VTI1A: variants seen among roughly 807,000 people sequenced by gnomAD.
VTI1A encodes the protein vesicle transport through interaction with t-SNAREs 1A.
A neutral mutation model predicts 34.9 loss-of-function variants in VTI1A; 22 were observed. The observed-to-expected ratio is 0.63, with a 90% CI of 0.45 to 0.90. VTI1A has a LOEUF of 0.90. Ranked by LOEUF, VTI1A falls within the 40% of genes least tolerant of loss-of-function variation. The pLI, the probability that VTI1A is intolerant of heterozygous loss-of-function variation, is 0.00. For synonymous variants in VTI1A, 87 were observed against 97.3 expected (o/e 0.89, Z 0.62); for missense variants, 268 against 275.6 (o/e 0.97, Z 0.20).
the VTI1A span, among the ~76,000 whole-genome samples, chr10:112,845,273 G>C: frequency 1.3e-5 from 2 of 152,182 alleles, no homozygotes; most frequent in African/African-American, 4.8e-5. Context: ...GGGGCAGGAC[G>C]GCCAGGCAGA....
In VTI1A at chr10:112,584,625, C is replaced by T. The variant is rs138004010; in HGVS notation, c.427+46295C>T. On this transcript the variant is annotated intron_variant, in intron 5 of 7. Transcript: ENST00000393077. ...TTTCTGACCCAATTCAAATTGTGAC[C>T]GACAACAAACTAAGCTTCTCAGATC... Among the ~76,000 whole-genome samples, 125 of 152,262 alleles carry T rather than the reference C, an allele frequency of 8.2e-4. No homozygotes were observed. The Middle Eastern group carries it at 0.014, about 17-fold the overall frequency.
chr10:112,788,191 A>G (rs1006575425), intron 7 of VTI1A, among the ~76,000 whole-genome samples: 1 of 152,066 alleles, frequency 6.6e-6, no homozygotes, highest in Admixed American at 6.5e-5. Flanking sequence ...TTAGTCTTCT[A>G]TAGCCTTACT....
chr10:112,474,876 C>T (rs1848226625), intron 3 of VTI1A, among the ~76,000 whole-genome samples: 1 of 152,150 alleles, frequency 6.6e-6, no homozygotes, highest in African/African-American at 2.4e-5. Context: ...CTGGCCTTGA[C>T]CTTGGTCAGT....
chr10:112,546,556 A>G (rs934089453), intron 5 of VTI1A, among the ~76,000 whole-genome samples: 1 of 152,206 alleles, frequency 6.6e-6, no homozygotes, highest in Admixed American at 6.5e-5. Flanking sequence ...GTGAGTAGGC[A>G]TTACTTGTCC....
intron 3 of VTI1A, among the ~76,000 whole-genome samples, chr10:112,503,517 G>T (rs906852319): frequency 6.6e-6 from 1 of 152,114 alleles, no homozygotes; most frequent in Admixed American, 6.5e-5. Flanking sequence ...TGCTCCTTTG[G>T]TAAGTTACTA....
chr10:112,750,251 C>T (rs1015332152), intron 7 of VTI1A, among the ~76,000 whole-genome samples: 6 of 151,990 alleles, frequency 3.9e-5, no homozygotes, highest in Non-Finnish European at 8.8e-5. Flanking sequence ...TGCGGTAGCA[C>T]GAGCATAGCC....
At chr10:112,668,557 T>C (rs1366144976) in intron 6 of VTI1A, among the ~76,000 whole-genome samples, 1 of 152,172 alleles carries the variant, frequency 6.6e-6, no homozygotes, top group East Asian at 1.9e-4. Context: ...TATGTTCATC[T>C]TTTAGAGTGA....
chr10:112,753,023 A>C (rs905618589), intron 7 of VTI1A, among the ~76,000 whole-genome samples: 1 of 151,882 alleles, frequency 6.6e-6, no homozygotes. Flanking sequence ...TGTGTATCTT[A>C]CATAAAATTT....
chr10:112,712,618 C>T (rs1039929568), intron 7 of VTI1A, among the ~76,000 whole-genome samples: 3 of 152,168 alleles, frequency 2.0e-5, no homozygotes, highest in Middle Eastern at 3.4e-3. Flanking sequence ...AGAGGCCTTT[C>T]CCTTCCTAAA....
chr10:112,554,937 C>A (rs866896757), intron 5 of VTI1A, among the ~76,000 whole-genome samples: 1 of 152,108 alleles, frequency 6.6e-6, no homozygotes, highest in South Asian at 2.1e-4. Flanking sequence ...ATGGTCCCAA[C>A]GTTCATGTGG....
At chr10:112,684,694 C>T (rs1014464152) in intron 7 of VTI1A, among the ~76,000 whole-genome samples, 2 of 152,158 alleles carry the variant, frequency 1.3e-5, no homozygotes, top group Non-Finnish European at 2.9e-5. Context: ...CCATCTCGGC[C>T]TCCCAAAGTG....
chr10:112,618,198 A>G (rs1028226705), intron 5 of VTI1A, among the ~76,000 whole-genome samples: 2 of 151,958 alleles, frequency 1.3e-5, no homozygotes, highest in African/African-American at 4.8e-5. Flanking sequence ...CTTCTACTTA[A>G]CAGCTGTGAA....
intron 3 of VTI1A, among the ~76,000 whole-genome samples, chr10:112,513,025 A>G (rs1336157572): frequency 6.6e-6 from 1 of 151,964 alleles, no homozygotes; most frequent in African/African-American, 2.4e-5. Context: ...ATTTGGATTC[A>G]TTTTTGGTTC....
intron 3 of VTI1A, among the ~76,000 whole-genome samples, chr10:112,509,830 C>T (rs115104198): frequency 1.9e-4 from 29 of 152,296 alleles, no homozygotes; most frequent in African/African-American, 6.5e-4. Flanking sequence ...AAAAATCATT[C>T]CTGCCAGTAA....
intron 3 of VTI1A, among the ~76,000 whole-genome samples, chr10:112,483,252 G>T (rs1371228761): frequency 1.3e-5 from 2 of 151,884 alleles, no homozygotes; most frequent in Non-Finnish European, 2.9e-5. Context: ...TTTGCCTAAA[G>T]AATTCTGCCA....
chr10:112,722,519 AT>A (rs1332941024), intron 7 of VTI1A, among the ~76,000 whole-genome samples: 2 of 152,208 alleles, frequency 1.3e-5, no homozygotes, highest in African/African-American at 4.8e-5. Context: ...TAATAAAAAA[AT>A]TAAACATTTT....
At chr10:112,552,842 T>C (rs1851410211) in intron 5 of VTI1A, among the ~76,000 whole-genome samples, 1 of 152,224 alleles carries the variant, frequency 6.6e-6, no homozygotes. Context: ...AAGTACGTCT[T>C]TCTCTTCTCT....
At chr10:112,754,217 A>AATGTAGTC (rs1328455773) in intron 7 of VTI1A, among the ~76,000 whole-genome samples, 4 of 152,116 alleles carry the variant, frequency 2.6e-5, no homozygotes, top group Admixed American at 2.6e-4. Flanking sequence ...TCCTATGTAA[A>AATGTAGTC]ATGTAGTCAT....
At chr10:112,476,536 G>C (rs1334754260) in intron 3 of VTI1A, among the ~76,000 whole-genome samples, 1 of 152,146 alleles carries the variant, frequency 6.6e-6, no homozygotes, top group African/African-American at 2.4e-5. Context: ...CTGTGGTAGT[G>C]ATGTTGCTGA....
Sources: allele counts gnomAD v4.1 joint callset (sites outside exome capture counted in the v4.1 genomes callset), GRCh38; gene constraint gnomAD v4.1.1; transcripts MANE v1.5; gene names NCBI Gene and HGNC (gene_info 2026-07-23, HGNC 2026-07-21).